PXDNL: variants seen among roughly 807,000 people sequenced by gnomAD.
PXDNL encodes probable oxidoreductase PXDNL.
In PXDNL, 145 loss-of-function variants were observed where a neutral mutation model predicts 150.8. The observed-to-expected ratio is 0.96, with a 90% CI of 0.84 to 1.10. The LOEUF (loss-of-function observed/expected upper bound fraction) is 1.10. Among genes scored for constraint, PXDNL ranks in the 50% least tolerant of loss-of-function variants. The probability of loss-of-function intolerance (pLI) is 0.00; values close to 1 mark genes in which losing one functional copy is unlikely to be tolerated. For synonymous variants in PXDNL, 757 were observed against 725.7 expected, an observed-to-expected ratio of 1.04 and a Z score of -0.69; for missense variants, 2,087 against 1,873.9, an observed-to-expected ratio of 1.11 and a Z score of -2.10.
At chr8:51,694,407 C>T (rs1816073021) in intron 1 of PXDNL, among the ~76,000 whole-genome samples, 1 of 152,102 alleles carries the variant, frequency 6.6e-6, no homozygotes, top group Admixed American at 6.6e-5. Context: ...CTCTGTGACA[C>T]AACTGAGGGA....
chr8:51,331,054 T>G (rs536825087), intron 21 of PXDNL, among the ~76,000 whole-genome samples: 4 of 152,236 alleles, frequency 2.6e-5, no homozygotes, highest in African/African-American at 9.6e-5. Flanking sequence ...CCAGATCAAC[T>G]GCAAGAACAA....
intron 1 of PXDNL, among the ~76,000 whole-genome samples, chr8:51,806,849 ACACACTC>A (rs1218376404): frequency 1.3e-5 from 2 of 152,098 alleles, no homozygotes; most frequent in Non-Finnish European, 2.9e-5. Flanking sequence ...TACCATCCCC[ACACACTC>A]CAAGCTTCAG....
At chr8:51,479,613 G>T (rs570535118) in intron 6 of PXDNL, among the ~76,000 whole-genome samples, 1 of 152,304 alleles carries the variant, frequency 6.6e-6, no homozygotes, top group African/African-American at 2.4e-5. Flanking sequence ...ATAGAAAGAG[G>T]AAGTCAAATG....
At chr8:51,631,637 A>G (rs1814490274) in intron 2 of PXDNL, among the ~76,000 whole-genome samples, 2 of 152,176 alleles carry the variant, frequency 1.3e-5, no homozygotes, top group Non-Finnish European at 1.5e-5. Flanking sequence ...TATAAAGGAC[A>G]CAATTATTAA....
intron 4 of PXDNL, among the ~76,000 whole-genome samples, chr8:51,537,301 T>A (rs1812100578): frequency 6.6e-6 from 1 of 152,174 alleles, no homozygotes; most frequent in African/African-American, 2.4e-5. Flanking sequence ...CTGGGGACAC[T>A]ACTGAGCACC....
intron 19 of PXDNL, among the ~76,000 whole-genome samples, chr8:51,352,225 C>A (rs144790252): frequency 0.01 from 1,555 of 152,296 alleles, 17 homozygotes; most frequent in African/African-American, 0.035. Context: ...TTTGATCCAG[C>A]AATCCCACTA....
chr8:51,359,317 T>A (rs1489932330), intron 19 of PXDNL, among the ~76,000 whole-genome samples: 1 of 152,164 alleles, frequency 6.6e-6, no homozygotes, highest in Non-Finnish European at 1.5e-5. Flanking sequence ...TTTCCAATGC[T>A]GCAGAAAATG....
intron 2 of PXDNL, among the ~76,000 whole-genome samples, chr8:51,601,812 T>TAAATATAATTTA (rs1813728644): frequency 6.6e-6 from 1 of 150,876 alleles, no homozygotes; most frequent in Non-Finnish European, 1.5e-5. Context: ...TTTTTTAATG[T>TAAATATAATTTA]AGGGTCTGTA....
At chr8:51,467,535 T>A (rs1404362829) in intron 8 of PXDNL, among the ~76,000 whole-genome samples, 1 of 152,068 alleles carries the variant, frequency 6.6e-6, no homozygotes, top group Non-Finnish European at 1.5e-5. Flanking sequence ...ACTTCTTGGG[T>A]AGTGGTTCTG....
chr8:51,557,491 G>A (rs574601159), intron 3 of PXDNL, among the ~76,000 whole-genome samples: 11 of 152,108 alleles, frequency 7.2e-5, no homozygotes, highest in Middle Eastern at 6.8e-3. Context: ...TTTCTCCATC[G>A]TTTTTCTTCA....
At chr8:51,603,463 T>A (rs950029992) in intron 2 of PXDNL, among the ~76,000 whole-genome samples, 4 of 152,090 alleles carry the variant, frequency 2.6e-5, no homozygotes, top group African/African-American at 9.7e-5. Flanking sequence ...TTGATACTTC[T>A]TATATCTTCC....
At chr8:51,392,293 G>A (rs1807934948) in intron 17 of PXDNL, among the ~76,000 whole-genome samples, 1 of 152,180 alleles carries the variant, frequency 6.6e-6, no homozygotes, top group Non-Finnish European at 1.5e-5. Context: ...TTGGTAGCTT[G>A]ATGGGGATGG....
intron 1 of PXDNL, among the ~76,000 whole-genome samples, chr8:51,658,102 G>C (rs924742524): frequency 4.9e-4 from 75 of 152,082 alleles, no homozygotes; most frequent in African/African-American, 1.7e-3. Context: ...CCAGCACTTT[G>C]GGAGGCTGAG....
chr8:51,610,000 C>A, intron 2 of PXDNL, among the ~76,000 whole-genome samples: 1 of 149,612 alleles, frequency 6.7e-6, no homozygotes, highest in East Asian at 2.0e-4. Context: ...TGCAAGGTCA[C>A]ATGTTACTGG....
At chr8:51,795,288 A>G (rs547600749) in intron 1 of PXDNL, among the ~76,000 whole-genome samples, 1 of 152,370 alleles carries the variant, frequency 6.6e-6, no homozygotes, top group Admixed American at 6.5e-5. Flanking sequence ...CTCTGGATCA[A>G]GTGGACATGA....
intron 20 of PXDNL, among the ~76,000 whole-genome samples, chr8:51,342,210 G>C (rs980333600): frequency 6.6e-6 from 1 of 151,772 alleles, no homozygotes; most frequent in African/African-American, 2.4e-5. Context: ...ATAAAAAATA[G>C]TATATGCTAT....
intron 5 of PXDNL, among the ~76,000 whole-genome samples, chr8:51,485,458 A>G (rs967882882): frequency 6.6e-6 from 1 of 152,048 alleles, no homozygotes; most frequent in Non-Finnish European, 1.5e-5. Flanking sequence ...CCATCTCTAC[A>G]TTGTCCGATT....
At chr8:51,706,566 TA>T (rs1816382833) in intron 1 of PXDNL, among the ~76,000 whole-genome samples, 2 of 152,180 alleles carry the variant, frequency 1.3e-5, no homozygotes, top group South Asian at 4.1e-4. Flanking sequence ...TTAACTACCA[TA>T]ATAATTTGAA....
intron 12 of PXDNL, among the ~76,000 whole-genome samples, chr8:51,427,982 T>A (rs181426110): frequency 1.1e-3 from 172 of 152,244 alleles, no homozygotes; most frequent in Non-Finnish European, 7.4e-5. Flanking sequence ...AAAATCCCAA[T>A]ATATATCAAA....
Sources: allele counts gnomAD v4.1 joint callset (sites outside exome capture counted in the v4.1 genomes callset), GRCh38; gene constraint gnomAD v4.1.1; transcripts MANE v1.5; gene names NCBI Gene and HGNC (gene_info 2026-07-23, HGNC 2026-07-21).